The following AFDN variants were observed in gnomAD, a reference collection of about 807,000 sequenced individuals.
The protein encoded by AFDN is afadin, adherens junction formation factor.
In AFDN, 68 loss-of-function variants were observed where a neutral mutation model predicts 216.6. That is an observed-to-expected ratio of 0.31 (90% CI 0.26 to 0.38). The LOEUF is 0.38. Among genes scored for constraint, AFDN ranks in the 10% least tolerant of loss-of-function variants. The pLI is 1.00. For synonymous variants in AFDN, 868 were observed against 853.7 expected, an observed-to-expected ratio of 1.02 and a Z score of -0.29; for missense variants, 2,136 against 2,342.0, an observed-to-expected ratio of 0.91 and a Z score of 1.82.
rs575185255 is a variant in AFDN at position 167,894,943 on chromosome 6, A to G, written c.1222+1037A>G. Among the ~76,000 whole-genome samples, 37 of 152,324 alleles carry G rather than the reference A, an allele frequency of 2.4e-4. No homozygotes were observed. In the South Asian group the frequency reaches 5.4e-3, roughly 22 times the overall value. ...TTGCGTTGAAATGTTCTTGTTTCAC[A>G]CATGATTACTTATTTACTGCTTTTG... is the stretch of plus-strand genomic sequence containing the variant. On this transcript the variant is annotated intron_variant, in intron 9 of 33. Transcript: ENST00000683244.
At chr6:167,964,370 G>A in intron 31 of AFDN, 2 of 1,064,378 alleles carry the variant, frequency 1.9e-6, no homozygotes, top group Non-Finnish European at 2.3e-6. Context: ...TGTTCTTCAT[G>A]TTAATACTAA....
At chr6:167,964,996 G>T in intron 31 of AFDN, 1 of 1,050,132 alleles carries the variant, frequency 9.5e-7, no homozygotes, top group Non-Finnish European at 1.2e-6. Flanking sequence ...TGTACAGTAT[G>T]TGTCAAAATA....
intron 1 of AFDN, among the ~76,000 whole-genome samples, chr6:167,844,132 TAC>T (rs1320261520): frequency 6.6e-5 from 10 of 152,032 alleles, no homozygotes; most frequent in African/African-American, 2.4e-4. Flanking sequence ...AAGGAATTTT[TAC>T]AGTGTGTCTT....
At chr6:167,913,735 G>C in intron 16 of AFDN, 1 of 457,504 alleles carries the variant, frequency 2.2e-6, no homozygotes, top group Non-Finnish European at 3.9e-6. Context: ...GGTCGGGAGA[G>C]GATGTGATAG....
At chr6:167,939,593 G>A (rs1794434148) in intron 23 of AFDN, among the ~76,000 whole-genome samples, 1 of 152,232 alleles carries the variant, frequency 6.6e-6, no homozygotes, top group African/African-American at 2.4e-5. Flanking sequence ...TCATTGATGT[G>A]TACGTGGAGC....
chr6:167,965,035 T>G, intron 31 of AFDN: 1 of 1,044,534 alleles, frequency 9.6e-7, no homozygotes, highest in Non-Finnish European at 1.2e-6. Flanking sequence ...CTGTTGCTGT[T>G]AGTTCCTGGC....
chr6:167,968,326 G>C (rs1426067173), intron 32 of AFDN: 1 of 152,230 alleles, frequency 6.6e-6, no homozygotes, highest in Non-Finnish European at 1.5e-5. Context: ...AAACCTGAGT[G>C]AAGGTGCAGT....
At chr6:167,865,690 T>C (rs1243598756) in intron 2 of AFDN, among the ~76,000 whole-genome samples, 2 of 152,226 alleles carry the variant, frequency 1.3e-5, no homozygotes, top group Non-Finnish European at 2.9e-5. Flanking sequence ...GTAACCTGTT[T>C]TAATAAAATA....
intron 21 of AFDN, among the ~76,000 whole-genome samples, chr6:167,920,983 G>C (rs954923399): frequency 6.6e-5 from 10 of 152,298 alleles, no homozygotes; most frequent in Admixed American, 2.6e-4. Context: ...GCGTGCCGCT[G>C]TCTGTCCTCC....
chr6:167,839,979 G>A lies in AFDN; in HGVS notation c.105+12742G>A, dbSNP rs189419255. Among the ~76,000 whole-genome samples the A allele has an allele frequency of 1.0e-3, 152 of 152,226 alleles. 1 individual carries two copies. Among genetic ancestry groups the A allele is most frequent in the Non-Finnish European group, 1.7e-3 (118 of 68,012 alleles). On this transcript the variant is annotated intron_variant, in intron 1 of 33. Transcript: ENST00000683244. ...CACACTGTACTAGCACAGTGGTGCCGCGCTGAGCAAGAGGAGCACTGCAGC... is the reference window on the plus strand; with the variant it reads ...CACACTGTACTAGCACAGTGGTGCCACGCTGAGCAAGAGGAGCACTGCAGC...
chr6:167,844,849 C>CTTTTTTTTT lies in AFDN; in HGVS notation c.105+17625_105+17633dup, dbSNP rs67495555. Reference sequence around the variant, plus strand: ...TTGAGAATGAGCATCCTTTTCTTTTCTTTTTTTTTTTTTTTTTTTTTGGTT... The same window carrying CTTTTTTTTT: ...TTGAGAATGAGCATCCTTTTCTTTTCTTTTTTTTTTTTTTTTTTTTTTTTTTTTTTGGTT... On this transcript the variant is annotated intron_variant, in intron 1 of 33. Transcript: ENST00000683244. 6.0e-3 allele frequency among the ~76,000 whole-genome samples: 767 copies of CTTTTTTTTT among 127,592 alleles called. 3 individuals are homozygous for CTTTTTTTTT. The highest frequency in any genetic ancestry group is 9.0e-3 in the East Asian group (38 of 4,206). 83.7% of individuals were successfully genotyped at this position (127,592 alleles called of 152,430 possible). A position where few individuals can be genotyped will look rare whatever the true frequency, so the allele number is the denominator to read the frequency against.
chr6:167,875,677 T>C (rs1310170574), intron 5 of AFDN, among the ~76,000 whole-genome samples, 182 bp downstream of exon 5: 1 of 151,854 alleles, frequency 6.6e-6, no homozygotes, highest in Admixed American at 6.6e-5. Context: ...CCTGTTCACA[T>C]AGGGATATGT....
chr6:167,885,069 T>C (rs528483415), intron 6 of AFDN, among the ~76,000 whole-genome samples: 1 of 152,334 alleles, frequency 6.6e-6, no homozygotes, highest in South Asian at 2.1e-4. Flanking sequence ...CTCTGCTAGC[T>C]TCAGACTTTT....
At chr6:167,874,785 T>G (rs147119935) in intron 4 of AFDN, among the ~76,000 whole-genome samples, 49 of 152,116 alleles carry the variant, frequency 3.2e-4, no homozygotes, top group African/African-American at 1.1e-3. Flanking sequence ...TCGGCTAATT[T>G]TGTATTTTTA....
chr6:167,946,716 G>A lies in AFDN; in HGVS notation c.3368G>A (p.Arg1123His), dbSNP rs199900991. 18 of 1,613,730 alleles carry A rather than the reference G, an allele frequency of 1.1e-5. No individual in the cohort carries two copies. The highest frequency in any genetic ancestry group is 3.3e-5 in the Admixed American group (2 of 59,970). Residue 1123 changes from arginine to histidine, a missense_variant, in exon 27 of 34, where the codon CGT (arginine) becomes CAT (histidine). This residue lies in a region of AFDN where 981 missense variants were observed against 966.0 expected (regional missense o/e 1.02). Transcript: ENST00000683244. ...TATGCTTTGATTCCAGTTTCAGATCGTCGTGGCTCAGGTAAACCCCGACCA... is the reference window on the plus strand; with the variant it reads ...TATGCTTTGATTCCAGTTTCAGATCATCGTGGCTCAGGTAAACCCCGACCA... ...PSPMMQRISD[R>H]RGSGKPRPKS... is the part of the protein sequence containing the mutation.
intron 1 of AFDN, among the ~76,000 whole-genome samples, chr6:167,861,798 T>C (rs1783606277): frequency 6.6e-6 from 1 of 152,234 alleles, no homozygotes; most frequent in African/African-American, 2.4e-5. Context: ...TTGGCAATTC[T>C]CAGGGAAACT....
intron 29 of AFDN, 25 bp downstream of exon 29, chr6:167,948,503 C>T (rs775098251): frequency 6.3e-7 from 1 of 1,599,912 alleles, no homozygotes; most frequent in East Asian, 2.2e-5. Context: ...ATTCCACACA[C>T]TTTTCTCACC....
At chr6:167,860,413 C>A (rs1046929626) in intron 1 of AFDN, among the ~76,000 whole-genome samples, 4 of 151,940 alleles carry the variant, frequency 2.6e-5, no homozygotes, top group African/African-American at 9.7e-5. Context: ...TGTATTGGAT[C>A]CTGAGGGAGG....
chr6:167,935,541 GT>G (rs1220246529), intron 23 of AFDN, among the ~76,000 whole-genome samples: 2 of 152,198 alleles, frequency 1.3e-5, no homozygotes, highest in Non-Finnish European at 2.9e-5. Flanking sequence ...TTTGGAATCT[GT>G]AACTGCTTTT....
Sources: gnomAD v4.1 joint callset for allele counts (sites outside exome capture counted in the v4.1 genomes callset) on GRCh38, gnomAD v4.1.1 for gene constraint, gnomAD v4.1.1 regional missense constraint, MANE v1.5 for transcripts, NCBI Gene and HGNC (gene_info 2026-07-23, HGNC 2026-07-21) for gene names.